The following ZNF875 variants were observed in gnomAD, a reference collection of about 807,000 sequenced individuals.
ZNF875 encodes the protein HKR1, GLI-Kruppel zinc finger family member.
Under a neutral mutation model 11.2 loss-of-function variants are expected in ZNF875, and 14 were observed. That is an observed-to-expected ratio of 1.26 (90% CI 0.83 to 1.96). The LOEUF (loss-of-function observed/expected upper bound fraction) is 1.96, where lower values mean the gene tolerates loss of function less well. Ranked by LOEUF, ZNF875 falls within the 30% of genes most tolerant of loss-of-function variation. The pLI is 0.00. For synonymous variants in ZNF875, 301 were observed against 281.1 expected (o/e 1.07, Z -0.71); for missense variants, 752 against 760.4 (o/e 0.99, Z 0.13).
At chr19:37,314,340 T>G (rs111490373), upstream of ZNF875, among the ~76,000 whole-genome samples, 1,889 of 152,270 alleles carry the variant, frequency 0.012, 37 homozygotes, top group East Asian at 0.054. Context: ...GGTCTCAAAC[T>G]CCTGGGCTCA....
intron 4 of ZNF875, among the ~76,000 whole-genome samples, chr19:37,329,615 G>A (rs1038494731): frequency 3.3e-5 from 5 of 152,158 alleles, no homozygotes; most frequent in East Asian, 3.8e-4. Context: ...CCATCATTAC[G>A]TATCTGTGGT....
chr19:37,352,142 A>G (rs2038008630), intron 4 of ZNF875, among the ~76,000 whole-genome samples: 1 of 151,674 alleles, frequency 6.6e-6, no homozygotes, highest in Non-Finnish European at 1.5e-5. Context: ...TTTTATCATT[A>G]TGGAATTTCC....
At chr19:37,335,079 C>T (rs1334899074) in intron 1 of ZNF875, 90 bp from the exon 2 acceptor site, 1 of 619,016 alleles carries the variant, frequency 1.6e-6, no homozygotes, top group Non-Finnish European at 3.0e-6. Context: ...ATCCCAGACC[C>T]CAACTGTGGG....
intron 4 of ZNF875, among the ~76,000 whole-genome samples, chr19:37,361,478 C>T (rs1434339460): frequency 1.3e-5 from 2 of 152,040 alleles, no homozygotes; most frequent in African/African-American, 4.8e-5. Flanking sequence ...CTTCTTCTTC[C>T]TTCCTTTCTC....
chr19:37,316,400 G>T (rs2030191539), upstream of ZNF875, among the ~76,000 whole-genome samples: 1 of 152,038 alleles, frequency 6.6e-6, no homozygotes, highest in East Asian at 1.9e-4. Flanking sequence ...ACGGAGTTTC[G>T]ATCCTCTCGC....
chr19:37,339,807 CA>C (rs1232815970), intron 2 of ZNF875, among the ~76,000 whole-genome samples: 34 of 151,522 alleles, frequency 2.2e-4, no homozygotes, highest in Admixed American at 2.2e-3. Context: ...TCAAGTGACC[CA>C]CCTGCCTTGG....
upstream of ZNF875, among the ~76,000 whole-genome samples, chr19:37,333,946 A>C (rs1473720577): frequency 2.0e-5 from 3 of 151,996 alleles, no homozygotes; most frequent in Non-Finnish European, 4.4e-5. Context: ...GTTTCCTCCA[A>C]GCCGCACCTG....
chr19:37,344,634 C>G (rs761935051), intron 2 of ZNF875: 2 of 1,543,748 alleles, frequency 1.3e-6, no homozygotes, highest in East Asian at 4.5e-5. Flanking sequence ...AATTAACTCC[C>G]CCAAGCTTCT....
upstream of ZNF875, among the ~76,000 whole-genome samples, chr19:37,330,958 G>A (rs1285533483): frequency 2.0e-5 from 3 of 151,924 alleles, no homozygotes; most frequent in Non-Finnish European, 2.9e-5. Flanking sequence ...AGGCTGAGGC[G>A]GGTGGATCAC....
chr19:37,361,889 CT>C (rs2039980995), intron 4 of ZNF875: 1 of 512,734 alleles, frequency 2.0e-6, no homozygotes. Flanking sequence ...TGCACTCCAG[CT>C]TGGGTGAAAG....
intron 1 of ZNF875, 173 bp from the exon 2 acceptor site, chr19:37,334,996 T>G: frequency 5.6e-6 from 3 of 536,322 alleles, no homozygotes; most frequent in Non-Finnish European, 6.8e-6. Flanking sequence ...AGCTTGCGGC[T>G]GAGCTTGAGG....
Position 37,318,860 on chromosome 19 carries a change from C to T in ZNF875, c.-747+674C>T, listed in dbSNP as rs143206371. Among the ~76,000 whole-genome samples, 169 of 152,100 alleles carry T rather than the reference C, an allele frequency of 1.1e-3. 2 individuals carry two copies. The East Asian group carries it at 0.031, about 28-fold the overall frequency. ...TCTTGTGGAAAATTTCTGTGAAAGG[C>T]ACAGCGAGTTAGTTTGGAATTGTTT... On this transcript the variant is annotated intron_variant, in intron 1 of 5. Transcript: ENST00000544914.
At position 37,347,171 on chromosome 19, in the gene ZNF875, G is replaced by A; in HGVS notation, c.34-19G>A. On this transcript the variant is annotated intron_variant, in intron 2 of 4. Coordinates refer to ENST00000392153, the MANE Select transcript of ZNF875 (RefSeq NM_001353803.2). ...AAAGACAGGCTCCTGGGTGAGCAGA[G>A]GTGTGTTTTGTGTTAAAGGCGTTCG... 4 of 1,613,754 alleles carry A rather than the reference G, an allele frequency of 2.5e-6. No homozygotes were observed. Among genetic ancestry groups the A allele is most frequent in the Non-Finnish European group, 3.4e-6 (4 of 1,179,782 alleles).
chr19:37,334,423 A>T (rs2033860076), upstream of ZNF875, among the ~76,000 whole-genome samples: 1 of 152,244 alleles, frequency 6.6e-6, no homozygotes, highest in Non-Finnish European at 1.5e-5. Flanking sequence ...CTTCGCGGTC[A>T]GCAGATCTCA....
intron 4 of ZNF875, among the ~76,000 whole-genome samples, chr19:37,348,168 C>T (rs1020180704): frequency 1.3e-5 from 2 of 152,180 alleles, no homozygotes; most frequent in African/African-American, 4.8e-5. Context: ...ATTGCATCTA[C>T]CCATGAATGT....
At position 37,364,027 on chromosome 19, in the gene ZNF875, G is replaced by A. The variant is rs752500210; in HGVS notation, c.*252G>A. The A allele has an allele frequency of 5.8e-5, 28 of 483,254 alleles. 1 individual carries two copies. Among genetic ancestry groups the A allele is most frequent in the Admixed American group, 5.1e-4 (14 of 27,248 alleles). The allele number at this position is 483,254 out of a possible 1,614,324, so 29.9% of individuals were successfully genotyped here. A position where few individuals can be genotyped will look rare whatever the true frequency, so the allele number is the denominator to read the frequency against. On this transcript the variant is annotated 3_prime_UTR_variant, in exon 5 of 5. Transcript: ENST00000392153. ...TGTGGATGGTGGGTTGTGGAAACCC[G>A]GTCAGGTAATGATAGTGGCAGGAGG...
chr19:37,359,916 A>G (rs144302966), intron 4 of ZNF875: 1 of 152,340 alleles, frequency 6.6e-6, no homozygotes, highest in East Asian at 1.9e-4. Context: ...TTCAGGCACA[A>G]AAGTTTTAAA....
intron 1 of ZNF875, 177 bp from the exon 2 acceptor site, chr19:37,334,992 C>T (rs1359221028): frequency 3.8e-6 from 2 of 531,090 alleles, no homozygotes; most frequent in Non-Finnish European, 6.9e-6. Context: ...CCCGAGCTTG[C>T]GGCTGAGCTT....
At chr19:37,320,919 C>T (rs1380436975) in intron 1 of ZNF875, among the ~76,000 whole-genome samples, 2 of 152,160 alleles carry the variant, frequency 1.3e-5, no homozygotes, top group Non-Finnish European at 2.9e-5. Flanking sequence ...GTAACCCTAC[C>T]CCCAACCCTG....
Sources: gnomAD v4.1 joint callset for allele counts (sites outside exome capture counted in the v4.1 genomes callset) on GRCh38, gnomAD v4.1.1 for gene constraint, MANE v1.5 for transcripts, NCBI Gene and HGNC (gene_info 2026-07-23, HGNC 2026-07-21) for gene names.